Variants in ABCC1 observed in about 807,000 individuals in gnomAD.
ABCC1 encodes multidrug resistance-associated protein 1.
ABCC1 carries 83 observed loss-of-function variants against 172.9 expected under a neutral mutation model. The observed-to-expected ratio is 0.48, with a 90% CI of 0.40 to 0.58. The LOEUF (loss-of-function observed/expected upper bound fraction) is 0.58. Ranked by LOEUF, ABCC1 falls within the 20% of genes least tolerant of loss-of-function variation. The pLI is 0.00. For synonymous variants in ABCC1, 937 were observed against 825.2 expected, an observed-to-expected ratio of 1.14 and a Z score of -2.32; for missense variants, 1,817 against 2,002.7, an observed-to-expected ratio of 0.91 and a Z score of 1.77.
At chr16:16,064,021 C>T (rs1228065473) in intron 12 of ABCC1, among the ~76,000 whole-genome samples, 1 of 152,126 alleles carries the variant, frequency 6.6e-6, no homozygotes, top group Non-Finnish European at 1.5e-5. Context: ...TAGGTTGACA[C>T]TGGGAGAAGT....
intron 6 of ABCC1, among the ~76,000 whole-genome samples, chr16:16,034,039 T>TTTTTTTG (rs2048654901): frequency 7.0e-6 from 1 of 143,058 alleles, no homozygotes; most frequent in Admixed American, 7.2e-5. Flanking sequence ...TTTTTTTTTT[T>TTTTTTTG]TTTTTTGAGA....
At chr16:16,043,668 C>T (rs2049079656) in intron 7 of ABCC1, among the ~76,000 whole-genome samples, 1 of 151,938 alleles carries the variant, frequency 6.6e-6, no homozygotes. Context: ...ATGGCCTGAT[C>T]TCCACTCACA....
At chr16:15,979,671 TG>T (rs202150837) in intron 1 of ABCC1, among the ~76,000 whole-genome samples, 2 of 152,206 alleles carry the variant, frequency 1.3e-5, no homozygotes, top group South Asian at 2.1e-4. Flanking sequence ...TTTTTAGAGA[TG>T]GGGGTCTCAC....
chr16:16,068,522 T>C (rs55820103), intron 13 of ABCC1, among the ~76,000 whole-genome samples: 3,004 of 152,298 alleles, frequency 0.02, 85 homozygotes, highest in African/African-American at 0.066. Context: ...ATGAATCAAG[T>C]TTAATGCAGC....
At chr16:16,048,357 G>T in intron 10 of ABCC1, 54 bp downstream of exon 10, 1 of 1,601,072 alleles carries the variant, frequency 6.2e-7, no homozygotes, top group Admixed American at 1.7e-5. Context: ...TCTACGTGTG[G>T]GCAGTGGGCC....
At chr16:16,007,783 C>T (rs2047600449) in intron 1 of ABCC1, 33 bp from the exon 2 acceptor site, 1 of 1,587,166 alleles carries the variant, frequency 6.3e-7, no homozygotes, top group Non-Finnish European at 8.6e-7. Flanking sequence ...GGGGTGTGTC[C>T]TGCTGACCCC....
chr16:16,134,569 A>G, intron 28 of ABCC1, 61 bp downstream of exon 28: 1 of 1,574,984 alleles, frequency 6.3e-7, no homozygotes, highest in Non-Finnish European at 8.7e-7. Context: ...GATTGCACTG[A>G]CAGTGGTGTA....
At chr16:16,111,320 G>A in intron 21 of ABCC1, 55 bp from the exon 22 acceptor site, 1 of 1,525,440 alleles carries the variant, frequency 6.6e-7, no homozygotes, top group South Asian at 1.1e-5. Context: ...GTGGGGCTGG[G>A]GCTGGGGCTG....
chr16:16,041,434 G>A (rs776792658), intron 7 of ABCC1, among the ~76,000 whole-genome samples: 1 of 152,136 alleles, frequency 6.6e-6, no homozygotes, highest in Non-Finnish European at 1.5e-5. Flanking sequence ...CCTGAGAAGG[G>A]TCTGGCTCTG....
chr16:15,950,649 C>T (rs896045271), intron 1 of ABCC1, among the ~76,000 whole-genome samples: 3 of 152,198 alleles, frequency 2.0e-5, no homozygotes, highest in Admixed American at 6.5e-5. Context: ...TGGGCTTCAG[C>T]TTCTCCGTAA....
At chr16:16,000,046 A>C (rs1476556545) in intron 1 of ABCC1, among the ~76,000 whole-genome samples, 1 of 148,060 alleles carries the variant, frequency 6.8e-6, no homozygotes, top group Non-Finnish European at 1.5e-5. Flanking sequence ...GTACAGACGG[A>C]GTTTCACCAT....
rs1345955415 is a variant in ABCC1 at position 16,125,861 on chromosome 16, A to G, written c.3769A>G (p.Asn1257Asp). The G allele has an allele frequency of 6.2e-7, 1 of 1,614,170 alleles. No individual in the cohort carries two copies. Among genetic ancestry groups the G allele is most frequent in the Non-Finnish European group, 8.5e-7 (1 of 1,180,012 alleles). Residue 1257 changes from asparagine (N) to aspartate (D), a missense_variant, in exon 26 of 31, where the codon AAC becomes GAC. Asn to Asp is a conservative substitution (Grantham distance 23). Transcript: ENST00000399410. ...TCGGATGTCATCTGAAATGGAAACC[A>G]ACATCGTGGCCGTGGAGAGGCTCAA... ...LVRMSSEMET[N>D]IVAVERLKEY...
chr16:16,051,848 C>G (rs1436055237), intron 10 of ABCC1, among the ~76,000 whole-genome samples: 2 of 152,178 alleles, frequency 1.3e-5, no homozygotes, highest in Non-Finnish European at 2.9e-5. Flanking sequence ...CAGACACTAG[C>G]CAAGGGCTAA....
intron 1 of ABCC1, among the ~76,000 whole-genome samples, chr16:15,972,976 G>T (rs983952041): frequency 3.3e-5 from 5 of 151,250 alleles, no homozygotes; most frequent in Non-Finnish European, 7.4e-5. Flanking sequence ...TTTTATATTT[G>T]TAGAGATGGG....
intron 11 of ABCC1, among the ~76,000 whole-genome samples, chr16:16,053,657 C>T (rs1032500192): frequency 2.0e-5 from 3 of 151,072 alleles, no homozygotes; most frequent in Admixed American, 6.6e-5. Flanking sequence ...TGTGGTGATG[C>T]GTGCCTGTAG....
intron 17 of ABCC1, among the ~76,000 whole-genome samples, chr16:16,086,450 C>CCTTT (rs779781231): frequency 6.6e-6 from 1 of 151,992 alleles, no homozygotes; most frequent in African/African-American, 2.4e-5. Context: ...AGGCTCTATG[C>CCTTT]CTTTCTTTCT....
intron 7 of ABCC1, among the ~76,000 whole-genome samples, chr16:16,041,966 G>A (rs1046048873): frequency 2.6e-5 from 4 of 152,026 alleles, no homozygotes; most frequent in African/African-American, 4.8e-5. Flanking sequence ...GTGTGGTGGC[G>A]CTCACCTGTA....
intron 1 of ABCC1, among the ~76,000 whole-genome samples, chr16:15,988,284 CAT>C (rs553491171): frequency 7.9e-5 from 12 of 152,272 alleles, no homozygotes; most frequent in Middle Eastern, 3.4e-3. Flanking sequence ...TTTCATCACA[CAT>C]GTCTTCATAT....
intron 18 of ABCC1, among the ~76,000 whole-genome samples, chr16:16,089,751 C>A (rs895829705): frequency 5.3e-5 from 8 of 150,404 alleles, no homozygotes; most frequent in Non-Finnish European, 1.2e-4. Context: ...GTGGCGGGCG[C>A]ATGTAATCCC....
Sources: allele counts gnomAD v4.1 joint callset (sites outside exome capture counted in the v4.1 genomes callset), GRCh38; gene constraint gnomAD v4.1.1; transcripts MANE v1.5; gene names NCBI Gene and HGNC (gene_info 2026-07-23, HGNC 2026-07-21).